TBC1D1: variants seen among roughly 807,000 people sequenced by gnomAD.
The protein encoded by TBC1D1 is TBC1 domain family member 1, also known as TBC1 (tre-2/USP6, BUB2, cdc16) domain family, member 1.
Under a neutral mutation model 125.6 loss-of-function variants are expected in TBC1D1, and 89 were observed. The ratio of observed to expected loss-of-function variants is 0.71; its 90% CI spans 0.60 to 0.85. The LOEUF is 0.85. Among genes scored for constraint, TBC1D1 ranks in the 40% least tolerant of loss-of-function variants. The probability of loss-of-function intolerance (pLI) is 0.00; values close to 1 mark genes in which losing one functional copy is unlikely to be tolerated. For missense variants in TBC1D1, 1,377 were observed against 1,469.2 expected, an observed-to-expected ratio of 0.94 and a Z score of 1.03; for synonymous variants, 565 against 564.1, an observed-to-expected ratio of 1.00 and a Z score of -0.02.
Position 38,045,823 on chromosome 4 carries a change from A to G in TBC1D1, c.1549A>G (p.Lys517Glu), listed in dbSNP as rs1560682936. The change falls in exon 10 of 20, where the codon AAA (lysine) becomes GAA (glutamate). Residue 517 changes from lysine to glutamate, a missense_variant. This residue lies in a region of TBC1D1 where 822 missense variants were observed against 824.6 expected (regional missense o/e 1.00). Transcript: ENST00000261439. ...CTGCCTTTTCTTTATGTAGGGTAATAAAGCCAGAGGCCTGCAGGAACACTC... is the reference window on the plus strand; with the variant it reads ...CTGCCTTTTCTTTATGTAGGGTAATGAAGCCAGAGGCCTGCAGGAACACTC... 1 of 1,614,086 alleles carries G rather than the reference A, an allele frequency of 6.2e-7. No homozygotes were observed. Among genetic ancestry groups the G allele is most frequent in the Middle Eastern group, 1.6e-4 (1 of 6,062 alleles).
intron 6 of TBC1D1, among the ~76,000 whole-genome samples, chr4:38,025,705 T>TG (rs532086905): frequency 2.6e-4 from 40 of 152,134 alleles, no homozygotes; most frequent in Admixed American, 1.1e-3. Context: ...CCTTCATATG[T>TG]GGGGGGGATT....
At chr4:38,080,488 C>G (rs552499294) in intron 12 of TBC1D1, among the ~76,000 whole-genome samples, 74 of 152,330 alleles carry the variant, frequency 4.9e-4, no homozygotes, top group Admixed American at 3.2e-3. Flanking sequence ...CACCTCTTAG[C>G]ATCTGCAGGC....
chr4:37,947,523 C>T (rs1320749487), intron 2 of TBC1D1, among the ~76,000 whole-genome samples: 2 of 152,072 alleles, frequency 1.3e-5, no homozygotes, highest in East Asian at 1.9e-4. Flanking sequence ...TATAGTCGTG[C>T]GATCATAGCT....
intron 1 of TBC1D1, among the ~76,000 whole-genome samples, chr4:37,891,718 G>C (rs1713365209): frequency 7.0e-6 from 1 of 142,976 alleles, no homozygotes; most frequent in Admixed American, 7.3e-5. Flanking sequence ...AGTGTGGTCA[G>C]AGTGACCCCA....
intron 2 of TBC1D1, among the ~76,000 whole-genome samples, chr4:37,964,779 C>CA (rs1730756769): frequency 6.6e-6 from 1 of 152,236 alleles, no homozygotes; most frequent in Non-Finnish European, 1.5e-5. Flanking sequence ...CTCATTCGTT[C>CA]ATTTGTTCTT....
chr4:38,049,624 T>G lies in TBC1D1; in HGVS notation c.1636T>G (p.Ser546Ala). 6.2e-7 allele frequency: 1 copy of G among 1,605,964 alleles called. No individual in the cohort carries two copies. The highest frequency in any genetic ancestry group is 1.3e-5 in the African/African-American group (1 of 74,766). ...GCTGTGTGTTTGCTCCCAGGAGCCA[T>G]CTGTGTGTGAAAAGGAGGCCTTGCC... The change falls in exon 11 of 20, where the codon TCT becomes GCT. Residue 546 changes from serine to alanine, a missense_variant. This residue lies in a region of TBC1D1 where 822 missense variants were observed against 824.6 expected (regional missense o/e 1.00). Coordinates refer to ENST00000261439, the MANE Select transcript of TBC1D1 (RefSeq NM_015173.4).
At chr4:38,113,713 G>A (rs1762528517) in intron 15 of TBC1D1, among the ~76,000 whole-genome samples, 1 of 152,180 alleles carries the variant, frequency 6.6e-6, no homozygotes, top group South Asian at 2.1e-4. Flanking sequence ...TTGAGACTAT[G>A]AGGAAACCAG....
intron 16 of TBC1D1, among the ~76,000 whole-genome samples, chr4:38,116,514 AT>A (rs1266799239): frequency 3.9e-5 from 6 of 152,196 alleles, no homozygotes; most frequent in Non-Finnish European, 7.3e-5. Context: ...TCTTGTTTCC[AT>A]AATCATCTCC....
At chr4:37,916,516 AT>A (rs1048736648) in intron 2 of TBC1D1, among the ~76,000 whole-genome samples, 13 of 152,098 alleles carry the variant, frequency 8.5e-5, no homozygotes, top group African/African-American at 2.4e-4. Context: ...CATCATCTTT[AT>A]TTAGCTTTCA....
chr4:38,002,379 C>T (rs2152407879), intron 2 of TBC1D1, among the ~76,000 whole-genome samples: 1 of 152,304 alleles, frequency 6.6e-6, no homozygotes, highest in Non-Finnish European at 1.5e-5. Context: ...AGGAATTACT[C>T]CCCGTGTTTC....
At chr4:37,980,608 C>T (rs1335870115) in intron 2 of TBC1D1, among the ~76,000 whole-genome samples, 2 of 152,156 alleles carry the variant, frequency 1.3e-5, no homozygotes, top group African/African-American at 2.4e-5. Context: ...TTTAAATATA[C>T]ATATGTCAGT....
At chr4:37,934,345 A>G (rs1723933238) in intron 2 of TBC1D1, among the ~76,000 whole-genome samples, 1 of 152,164 alleles carries the variant, frequency 6.6e-6, no homozygotes, top group Non-Finnish European at 1.5e-5. Context: ...CGTGGACATC[A>G]GGCTCCCCAG....
chr4:38,062,190 C>G (rs2152498132), intron 12 of TBC1D1, among the ~76,000 whole-genome samples: 1 of 152,120 alleles, frequency 6.6e-6, no homozygotes, highest in South Asian at 2.1e-4. Flanking sequence ...ACTTGAGAAA[C>G]TGTCACCACT....
At chr4:38,065,697 G>T (rs1472623443) in intron 12 of TBC1D1, among the ~76,000 whole-genome samples, 1 of 144,384 alleles carries the variant, frequency 6.9e-6, no homozygotes, top group Non-Finnish European at 1.5e-5. Flanking sequence ...CCAGGCTGGA[G>T]TGCAGTGGCA....
At chr4:38,108,360 A>G (rs564242060) in intron 15 of TBC1D1, among the ~76,000 whole-genome samples, 6 of 152,242 alleles carry the variant, frequency 3.9e-5, no homozygotes, top group Non-Finnish European at 8.8e-5. Flanking sequence ...CAGCCGAAAG[A>G]ACACTTCAAC....
intron 18 of TBC1D1, among the ~76,000 whole-genome samples, chr4:38,131,035 A>G (rs1248497410): frequency 1.3e-5 from 2 of 152,126 alleles, no homozygotes; most frequent in Admixed American, 6.5e-5. Context: ...TCATATTGCC[A>G]TGGTTTGGGG....
chr4:37,955,353 G>A (rs997307355), intron 2 of TBC1D1, among the ~76,000 whole-genome samples: 1 of 152,078 alleles, frequency 6.6e-6, no homozygotes, highest in Non-Finnish European at 1.5e-5. Flanking sequence ...GTGGGGATGA[G>A]GGCATTGGTT....
At chr4:38,087,870 A>T (rs1309065526) in intron 12 of TBC1D1, among the ~76,000 whole-genome samples, 2 of 149,642 alleles carry the variant, frequency 1.3e-5, no homozygotes, top group Non-Finnish European at 3.0e-5. Context: ...AAAGAAAAAA[A>T]AAAAAAAGAA....
At chr4:38,086,880 T>G (rs1757569860) in intron 12 of TBC1D1, among the ~76,000 whole-genome samples, 1 of 152,220 alleles carries the variant, frequency 6.6e-6, no homozygotes, top group Admixed American at 6.5e-5. Flanking sequence ...CCAGTGAGGC[T>G]TGTGCATGTA....
Sources: gnomAD v4.1 joint callset for allele counts (sites outside exome capture counted in the v4.1 genomes callset) on GRCh38, gnomAD v4.1.1 for gene constraint, gnomAD v4.1.1 regional missense constraint, MANE v1.5 for transcripts, NCBI Gene and HGNC (gene_info 2026-07-23, HGNC 2026-07-21) for gene names.